Variants in CDH12 observed in about 807,000 individuals in gnomAD.
CDH12 encodes cadherin 12, also known as cadherin-12.
In CDH12, 41 loss-of-function variants were observed where a neutral mutation model predicts 74.1. The ratio of observed to expected loss-of-function variants is 0.55; its 90% confidence interval spans 0.43 to 0.72. The LOEUF (loss-of-function observed/expected upper bound fraction) is 0.72. CDH12 is among the 30% of genes least tolerant of loss of function. CDH12 has a pLI of 0.00. For missense variants in CDH12, 945 were observed against 977.2 expected, an observed-to-expected ratio of 0.97 and a Z score of 0.44; for synonymous variants, 399 against 355.0, an observed-to-expected ratio of 1.12 and a Z score of -1.39.
rs531388251 is a variant in CDH12, at chr5:21,939,205, T to C, written c.526+35886A>G. On this transcript the variant is annotated intron_variant, in intron 6 of 14. Coordinates refer to ENST00000382254, the MANE Select transcript of CDH12 (RefSeq NM_004061.5). ...TACTAAATTTTAAATGTAATATAAA[T>C]ATCATACCTTCTATATATATATATA... Among the ~76,000 whole-genome samples the C allele has an allele frequency of 1.6e-3, 241 of 150,404 alleles. 2 individuals carry two copies. The highest frequency in any genetic ancestry group is 0.012 in the South Asian group (57 of 4,808).
At chr5:22,540,278 T>C (rs1324367860) in intron 1 of CDH12, among the ~76,000 whole-genome samples, 2 of 152,058 alleles carry the variant, frequency 1.3e-5, no homozygotes, top group Admixed American at 6.6e-5. Flanking sequence ...TCTATATCAT[T>C]TCATTAATTA....
At chr5:22,398,320 C>T (rs1450995622) in intron 3 of CDH12, among the ~76,000 whole-genome samples, 1 of 152,082 alleles carries the variant, frequency 6.6e-6, no homozygotes, top group Non-Finnish European at 1.5e-5. Flanking sequence ...ATTATTAGTT[C>T]TCAGTGAAAC....
chr5:22,357,979 G>A (rs565411825), intron 3 of CDH12, among the ~76,000 whole-genome samples: 43 of 152,248 alleles, frequency 2.8e-4, no homozygotes, highest in African/African-American at 9.9e-4. Flanking sequence ...TTAAAAATGA[G>A]TTTTGAATAT....
At chr5:22,261,051 A>G (rs560256338) in intron 3 of CDH12, among the ~76,000 whole-genome samples, 61 of 141,926 alleles carry the variant, frequency 4.3e-4, no homozygotes, top group African/African-American at 7.2e-4. Flanking sequence ...CTATATATAT[A>G]TGTGTGTGTG....
At chr5:21,764,406 G>T (rs1437498444) in intron 12 of CDH12, among the ~76,000 whole-genome samples, 1 of 150,462 alleles carries the variant, frequency 6.6e-6, no homozygotes, top group Non-Finnish European at 1.5e-5. Context: ...TTAAAAAAAA[G>T]AAAGAAATTT....
chr5:22,709,137 G>T (rs1436380793), intron 1 of CDH12, among the ~76,000 whole-genome samples: 2 of 152,206 alleles, frequency 1.3e-5, no homozygotes, highest in African/African-American at 4.8e-5. Flanking sequence ...CCTGTAGGGT[G>T]ACGGGAAGAG....
chr5:22,328,068 G>A (rs1452258736), intron 3 of CDH12, among the ~76,000 whole-genome samples: 1 of 152,042 alleles, frequency 6.6e-6, no homozygotes, highest in African/African-American at 2.4e-5. Context: ...TGGAGGCAAG[G>A]ATTAGGCAGA....
At chr5:22,132,775 C>A (rs1746245807) in intron 4 of CDH12, among the ~76,000 whole-genome samples, 1 of 152,070 alleles carries the variant, frequency 6.6e-6, no homozygotes, top group Non-Finnish European at 1.5e-5. Flanking sequence ...GAGGGAGTCT[C>A]AGGGTTTTAG....
chr5:22,665,279 G>A (rs191354832), intron 1 of CDH12, among the ~76,000 whole-genome samples: 1 of 152,134 alleles, frequency 6.6e-6, no homozygotes, highest in Admixed American at 6.5e-5. Context: ...TATATTGATT[G>A]TATATGTTTT....
intron 2 of CDH12, among the ~76,000 whole-genome samples, chr5:22,405,774 C>T (rs990550986): frequency 3.3e-5 from 5 of 152,142 alleles, no homozygotes; most frequent in African/African-American, 1.2e-4. Flanking sequence ...TTGTTACAGT[C>T]GTCCCTCAGG....
intron 1 of CDH12, among the ~76,000 whole-genome samples, chr5:22,713,592 G>A (rs948342004): frequency 1.3e-5 from 2 of 150,860 alleles, no homozygotes; most frequent in Non-Finnish European, 3.0e-5. Flanking sequence ...CTGCGTAAGT[G>A]TTTTCAATAA....
chr5:22,821,636 T>C (rs1749705416), intron 1 of CDH12, among the ~76,000 whole-genome samples: 2 of 151,988 alleles, frequency 1.3e-5, no homozygotes. Context: ...TCACAATTGC[T>C]TCAAAGAGAA....
rs575447231 is a variant in CDH12, at chr5:22,711,264, C to G, written c.-523+141794G>C. ...GGAATATATTGAGATCTTGGGTGTT[C>G]ATATTTTGCTGAAATGGATTCTAGA... On this transcript the variant is annotated intron_variant, in intron 1 of 14. Coordinates refer to ENST00000382254, the MANE Select transcript of CDH12 (RefSeq NM_004061.5). 2.0e-5 allele frequency among the ~76,000 whole-genome samples: 3 copies of G among 152,122 alleles called. No individual in the cohort carries two copies. In the East Asian group the frequency reaches 5.8e-4, roughly 30 times the overall value.
At chr5:22,630,283 A>G (rs1738515998) in intron 1 of CDH12, among the ~76,000 whole-genome samples, 1 of 152,104 alleles carries the variant, frequency 6.6e-6, no homozygotes, top group African/African-American at 2.4e-5. Flanking sequence ...ATATGGAACC[A>G]AAAAAGGGCC....
chr5:21,842,808 A>G (rs1029276347), intron 7 of CDH12, among the ~76,000 whole-genome samples: 1 of 152,276 alleles, frequency 6.6e-6, no homozygotes, highest in South Asian at 2.1e-4. Context: ...AAATGCATTC[A>G]ATATCTTCAT....
intron 1 of CDH12, among the ~76,000 whole-genome samples, chr5:22,810,869 A>G (rs552690408): frequency 1.3e-5 from 2 of 152,128 alleles, no homozygotes; most frequent in African/African-American, 4.8e-5. Context: ...GCAACAGAGT[A>G]AGACCTTCTC....
intron 5 of CDH12, among the ~76,000 whole-genome samples, chr5:22,073,280 T>C (rs1417676112): frequency 6.6e-6 from 1 of 152,144 alleles, no homozygotes; most frequent in Non-Finnish European, 1.5e-5. Context: ...GATTTAAGAA[T>C]TGCTGCTAAC....
chr5:22,120,538 A>G (rs951444380), intron 4 of CDH12, among the ~76,000 whole-genome samples: 4 of 152,146 alleles, frequency 2.6e-5, no homozygotes, highest in Non-Finnish European at 4.4e-5. Context: ...ATTTGTATAG[A>G]TTTTACATTA....
intron 2 of CDH12, among the ~76,000 whole-genome samples, chr5:22,481,953 A>G (rs1000418733): frequency 6.6e-6 from 1 of 152,214 alleles, no homozygotes; most frequent in African/African-American, 2.4e-5. Context: ...AATTATATAC[A>G]TTAATTATAT....
Sources: gnomAD v4.1 joint callset for allele counts (sites outside exome capture counted in the v4.1 genomes callset) on GRCh38, gnomAD v4.1.1 for gene constraint, MANE v1.5 for transcripts, NCBI Gene and HGNC (gene_info 2026-07-23, HGNC 2026-07-21) for gene names.